The following ST18 variants were observed in gnomAD, a reference collection of about 807,000 sequenced individuals.
ST18 encodes the protein ST18 C2H2C-type zinc finger transcription factor.
In ST18, 50 loss-of-function variants were observed where a neutral mutation model predicts 110.0. The ratio of observed to expected loss-of-function variants is 0.45; its 90% confidence interval spans 0.36 to 0.58. The LOEUF (loss-of-function observed/expected upper bound fraction) is 0.58, where lower values mean the gene tolerates loss of function less well. Ranked by LOEUF, ST18 falls within the 20% of genes least tolerant of loss-of-function variation. The pLI, the probability that ST18 is intolerant of heterozygous loss-of-function variation, is 0.00. For synonymous variants in ST18, 461 were observed against 452.4 expected (o/e 1.02, Z -0.24); for missense variants, 1,306 against 1,280.1 (o/e 1.02, Z -0.31).
rs542374680 is a variant in ST18 at position 52,161,732 on chromosome 8, C to T, written c.1401-164G>A. On this transcript the variant is annotated intron_variant, in intron 13 of 25. Transcript: ENST00000689386. The stretch of plus-strand genomic sequence containing the variant: ...CATGGCAGGACAGAGCAGCATGCTC[C>T]GGACCCATAGGGCGAGATGGAAAGA... 4.6e-4 allele frequency among the ~76,000 whole-genome samples: 70 copies of T among 152,200 alleles called. 2 individuals are homozygous for T. Among genetic ancestry groups the T allele is most frequent in the Admixed American group, 2.6e-4 (4 of 15,302 alleles).
chr8:52,143,537 G>A (rs62500996), intron 16 of ST18, among the ~76,000 whole-genome samples: 9,166 of 152,208 alleles, frequency 0.06, 399 homozygotes, highest in Non-Finnish European at 0.091. Flanking sequence ...TGTCCTGGTT[G>A]TTACAGATCT....
At position 52,161,393 on chromosome 8, in the gene ST18, T is replaced by C. The variant is rs2061420455; in HGVS notation, c.1576A>G (p.Thr526Ala). The C allele has an allele frequency of 6.2e-7, 1 of 1,613,654 alleles. No individual in the cohort carries two copies. Among genetic ancestry groups the C allele is most frequent in the Admixed American group, 1.7e-5 (1 of 59,936 alleles). The change falls in exon 14 of 26, where the codon ACA becomes GCA. Residue 526 changes from threonine to alanine, a missense_variant. Thr to Ala is a moderately conservative substitution (Grantham distance 58, BLOSUM62 0). Coordinates refer to ENST00000689386, the MANE Select transcript of ST18 (RefSeq NM_001352837.2). Reference protein sequence around the residue: ...PLIQTVQGRKTPPFPESKHFP... With the variant: ...PLIQTVQGRKAPPFPESKHFP... ...AGCTTACATTCAGGAAATGGTGGTG[T>C]TTTTCGTCCTTGCACTGTTTGTATG... is the stretch of plus-strand genomic sequence containing the variant.
intron 14 of ST18, among the ~76,000 whole-genome samples, 178 bp from the exon 15 acceptor site, chr8:52,159,287 T>G (rs1172334926): frequency 1.3e-5 from 2 of 152,206 alleles, no homozygotes; most frequent in Middle Eastern, 3.2e-3. Flanking sequence ...TCACAGAGAT[T>G]CACAGAACAA....
chr8:52,233,585 C>A (rs968327445), intron 2 of ST18, among the ~76,000 whole-genome samples: 7 of 152,088 alleles, frequency 4.6e-5, no homozygotes, highest in Non-Finnish European at 1.0e-4. Context: ...GTGATTCAGA[C>A]TAAGTAAGCG....
At chr8:52,229,475 G>A (rs1172002983) in intron 3 of ST18, among the ~76,000 whole-genome samples, 1 of 152,136 alleles carries the variant, frequency 6.6e-6, no homozygotes, top group Non-Finnish European at 1.5e-5. Context: ...AGCTTCCACA[G>A]CCCACTCCTT....
chr8:52,391,896 AG>A (rs1839429542), intron 2 of ST18, among the ~76,000 whole-genome samples: 1 of 152,208 alleles, frequency 6.6e-6, no homozygotes, highest in South Asian at 2.1e-4. Context: ...TCTGAATGGC[AG>A]GAAAAGGGAA....
chr8:52,123,612 T>C (rs114955749), intron 23 of ST18, among the ~76,000 whole-genome samples: 3,465 of 152,314 alleles, frequency 0.023, 124 homozygotes, highest in African/African-American at 0.073. Context: ...TAGTTACCTG[T>C]CCACATAGAA....
intron 2 of ST18, among the ~76,000 whole-genome samples, chr8:52,352,376 C>G (rs746259562): frequency 1.3e-5 from 2 of 152,162 alleles, no homozygotes; most frequent in Non-Finnish European, 2.9e-5. Context: ...AAAGACAACT[C>G]AATACTCTCA....
intron 2 of ST18, among the ~76,000 whole-genome samples, chr8:52,233,247 C>T (rs754220757): frequency 1.3e-5 from 2 of 152,070 alleles, no homozygotes; most frequent in South Asian, 2.1e-4. Context: ...TGGAGTCCTC[C>T]GTGAGTGGAG....
intron 8 of ST18, among the ~76,000 whole-genome samples, chr8:52,204,387 C>G (rs1000187907): frequency 6.6e-6 from 1 of 152,082 alleles, no homozygotes; most frequent in Non-Finnish European, 1.5e-5. Flanking sequence ...TCCAAACGCC[C>G]GTTAATTTCT....
intron 2 of ST18, among the ~76,000 whole-genome samples, chr8:52,289,804 T>C (rs995812718): frequency 1.3e-5 from 2 of 152,154 alleles, no homozygotes; most frequent in Admixed American, 6.5e-5. Context: ...AGGAGCCACA[T>C]GGAGCAAATT....
At chr8:52,140,940 C>A (rs1237018645) in intron 17 of ST18, among the ~76,000 whole-genome samples, 1 of 151,964 alleles carries the variant, frequency 6.6e-6, no homozygotes, top group Non-Finnish European at 1.5e-5. Context: ...ACAGCAGGTC[C>A]ATGTGGGAAA....
Position 52,259,919 on chromosome 8 carries a change from C to A in ST18, c.-464-29842G>T, listed in dbSNP as rs191359231. The stretch of plus-strand genomic sequence containing the variant: ...CAGTGACCCTTTTCTTTTCTTTTAT[C>A]CTTTGTCATTTTTTATAAGAAATTT... On this transcript the variant is annotated intron_variant, in intron 2 of 25. Transcript: ENST00000689386. Among the ~76,000 whole-genome samples, 432 of 152,248 alleles carry A rather than the reference C, an allele frequency of 2.8e-3. 1 individual carries two copies. Among genetic ancestry groups the A allele is most frequent in the Middle Eastern group, 0.014 (4 of 294 alleles).
chr8:52,291,300 G>A (rs1024708898), intron 2 of ST18, among the ~76,000 whole-genome samples: 4 of 152,160 alleles, frequency 2.6e-5, no homozygotes, highest in African/African-American at 4.8e-5. Flanking sequence ...GCGCCCACAC[G>A]ATGCCTACAG....
intron 22 of ST18, among the ~76,000 whole-genome samples, chr8:52,127,237 T>C (rs1285105679): frequency 1.3e-5 from 2 of 152,326 alleles, no homozygotes; most frequent in East Asian, 1.9e-4. Flanking sequence ...CTATGAAATA[T>C]AGAAAATAAT....
chr8:52,348,309 A>G (rs1044299782), intron 2 of ST18, among the ~76,000 whole-genome samples: 1 of 152,246 alleles, frequency 6.6e-6, no homozygotes, highest in Non-Finnish European at 1.5e-5. Flanking sequence ...CCTCATTGGA[A>G]CTAAGGAAGA....
intron 2 of ST18, among the ~76,000 whole-genome samples, chr8:52,363,482 AC>A (rs1826596256): frequency 6.6e-6 from 1 of 152,126 alleles, no homozygotes; most frequent in African/African-American, 2.4e-5. Context: ...AATTATACAC[AC>A]CATAGAGAGC....
chr8:52,395,146 A>G (rs1840668223), intron 2 of ST18, among the ~76,000 whole-genome samples: 1 of 152,222 alleles, frequency 6.6e-6, no homozygotes, highest in South Asian at 2.1e-4. Context: ...ACTTCTTTCA[A>G]CATAGAGACC....
chr8:52,279,158 A>C (rs1299429848), intron 2 of ST18, among the ~76,000 whole-genome samples: 1 of 152,204 alleles, frequency 6.6e-6, no homozygotes, highest in East Asian at 1.9e-4. Context: ...TATTTAGCAT[A>C]GTTAAAGCAA....
Sources: gnomAD v4.1 joint callset for allele counts (sites outside exome capture counted in the v4.1 genomes callset) on GRCh38, gnomAD v4.1.1 for gene constraint, MANE v1.5 for transcripts, NCBI Gene and HGNC (gene_info 2026-07-23, HGNC 2026-07-21) for gene names.